GJC1: variants seen among roughly 807,000 people sequenced by gnomAD.
The protein encoded by GJC1 is gap junction protein gamma 1, also known as gap junction gamma-1 protein.
GJC1 carries 5 observed loss-of-function variants against 29.3 expected under a neutral mutation model. That is an observed-to-expected ratio of 0.17 (90% CI 0.09 to 0.36). The LOEUF (loss-of-function observed/expected upper bound fraction) is 0.36. Ranked by LOEUF, GJC1 falls within the 10% of genes least tolerant of loss-of-function variation. The pLI, the probability that GJC1 is intolerant of heterozygous loss-of-function variation, is 1.00. For missense variants in GJC1, 310 were observed against 496.2 expected, an observed-to-expected ratio of 0.62 and a Z score of 3.56; for synonymous variants, 177 against 183.3, an observed-to-expected ratio of 0.97 and a Z score of 0.28.
downstream of GJC1, chr17:44,797,503 G>A (rs139532583): frequency 0.02 from 2,986 of 152,256 alleles, 40 homozygotes; most frequent in Non-Finnish European, 0.027. Flanking sequence ...GTGAGCACCC[G>A]CTAACAGCTG....
At chr17:44,807,986 T>C (rs1465216782) in intron 1 of GJC1, 1 of 152,094 alleles carries the variant, frequency 6.6e-6, no homozygotes, top group East Asian at 1.9e-4. Context: ...CAGATACAAC[T>C]ACTCACAAAA....
chr17:44,801,366 G>A lies in GJC1; in HGVS notation c.*3261C>T, dbSNP rs1352769758. ...AACATAATCATGTTGATTGTATCCT[G>A]ATTCTAGCAGGTGAAGGACTAAGCA... is the stretch of plus-strand genomic sequence containing the variant. On this transcript the variant is annotated 3_prime_UTR_variant, in exon 3 of 3. Transcript: ENST00000592524. 4 of 152,180 alleles carry A rather than the reference G, an allele frequency of 2.6e-5. No individual in the cohort carries two copies. The allele number at this position is 152,180 out of a possible 1,614,324, so 9.4% of individuals were successfully genotyped here. A position where few individuals can be genotyped will look rare whatever the true frequency, so the allele number is the denominator to read the frequency against.
intron 1 of GJC1, among the ~76,000 whole-genome samples, chr17:44,826,183 A>C (rs1216478144): frequency 6.6e-6 from 1 of 152,106 alleles, no homozygotes; most frequent in African/African-American, 2.4e-5. Context: ...TGGCCTCCCA[A>C]AGTGCTGGGA....
At chr17:44,810,593 G>A (rs577389133) in intron 1 of GJC1, among the ~76,000 whole-genome samples, 1 of 152,176 alleles carries the variant, frequency 6.6e-6, no homozygotes, top group African/African-American at 2.4e-5. Context: ...TACGGTCTAT[G>A]CTCTTGACCA....
At chr17:44,821,094 T>C (rs772293536) in intron 1 of GJC1, among the ~76,000 whole-genome samples, 8 of 152,198 alleles carry the variant, frequency 5.3e-5, no homozygotes, top group African/African-American at 1.9e-4. Context: ...CCATTGTGGG[T>C]TGAAGTGCCA....
chr17:44,809,966 C>T (rs1467241567), intron 1 of GJC1, among the ~76,000 whole-genome samples: 2 of 151,920 alleles, frequency 1.3e-5, no homozygotes, highest in East Asian at 1.9e-4. Context: ...TCACACCATT[C>T]TCCTGCCTCA....
chr17:44,804,524 C>T lies in GJC1; in HGVS notation c.*103G>A, dbSNP rs1209629210. On this transcript the variant is annotated 3_prime_UTR_variant, in exon 3 of 3. Transcript: ENST00000592524. The stretch of plus-strand genomic sequence containing the variant: ...CTTGGATCATGAGCCAACAGCATCC[C>T]TGAAGATAACCAGAGCCAAATGTTT... 2 of 948,548 alleles carry T rather than the reference C, an allele frequency of 2.1e-6. No individual in the cohort carries two copies. Among genetic ancestry groups the T allele is most frequent in the Non-Finnish European group, 3.2e-6 (2 of 619,220 alleles). The allele number at this position is 948,548 out of a possible 1,614,324, so 58.8% of individuals were successfully genotyped here.
At position 44,805,892 on chromosome 17, in the gene GJC1, T is replaced by A; in HGVS notation, c.-20-55A>T. On this transcript the variant is annotated intron_variant, in intron 2 of 2. Coordinates refer to ENST00000592524, the MANE Select transcript of GJC1 (RefSeq NM_005497.4). The surrounding 1 kb of genome is among the most constrained non-coding windows in gnomAD (Gnocchi z 5.1). ...AATCAACAAATATTAAATCTTAATTTAATTACTAATTATGATATCTCTAGG... is the reference window on the plus strand; with the variant it reads ...AATCAACAAATATTAAATCTTAATTAAATTACTAATTATGATATCTCTAGG... 1 of 783,018 alleles carries A rather than the reference T, an allele frequency of 1.3e-6. No homozygotes were observed. The highest frequency in any genetic ancestry group is 2.0e-6 in the Non-Finnish European group (1 of 490,744). 48.5% of individuals were successfully genotyped at this position (783,018 alleles called of 1,614,324 possible).
In GJC1 at chr17:44,804,801, C is replaced by T; in HGVS notation, c.1017G>A (p.Gln339=). 6.2e-7 allele frequency: 1 copy of T among 1,614,218 alleles called. No individual in the cohort carries two copies. The highest frequency in any genetic ancestry group is 2.2e-5 in the East Asian group (1 of 44,888). The change falls in exon 3 of 3, where the codon CAG becomes CAA. Residue 339 remains glutamine, a synonymous_variant. Transcript: ENST00000592524. ...ENLPADLEAL[Q]REIRMAQERL... ...GTTCCTGAGCCATCCTGATCTCCCG[C>T]TGCAGAGCCTCCAGGTCAGCTGGGA... is the stretch of plus-strand genomic sequence containing the variant.
intron 1 of GJC1, among the ~76,000 whole-genome samples, chr17:44,828,704 T>A (rs891594159): frequency 6.6e-6 from 1 of 152,196 alleles, no homozygotes; most frequent in African/African-American, 2.4e-5. Context: ...AAGTTTTTTT[T>A]AAATCAGTAA....
chr17:44,817,558 A>G (rs1052300509), intron 1 of GJC1, among the ~76,000 whole-genome samples: 7 of 151,870 alleles, frequency 4.6e-5, no homozygotes, highest in South Asian at 2.1e-4. Flanking sequence ...TAAAAATACA[A>G]TATTAGCCAG....
chr17:44,814,206 T>C (rs1277261158), intron 1 of GJC1, among the ~76,000 whole-genome samples: 3 of 152,076 alleles, frequency 2.0e-5, no homozygotes, highest in African/African-American at 7.2e-5. Context: ...AGTGGCCTGA[T>C]CTTGGCTCAC....
chr17:44,822,192 G>A (rs1243725321), intron 1 of GJC1, among the ~76,000 whole-genome samples: 1 of 79,640 alleles, frequency 1.3e-5, no homozygotes, highest in Admixed American at 2.1e-4. Flanking sequence ...TCGAGACTCC[G>A]TCTCAAAAAA....
chr17:44,824,798 A>G (rs1361430037), intron 1 of GJC1, among the ~76,000 whole-genome samples: 2 of 148,474 alleles, frequency 1.3e-5, no homozygotes, highest in Admixed American at 6.7e-5. Flanking sequence ...ATGACAGAAC[A>G]AGACTGTCTT....
Position 44,805,339 on chromosome 17 carries a change from G to T in GJC1, c.479C>A (p.Pro160His), listed in dbSNP as rs775079785. ...AATCCGTCGTCGGCCATCATGCTTA[G>T]GTTTGGGTTGGCTCTGCTCTTTATT... Reference protein sequence around the residue: ...KENKEQSQPKPKHDGRRRIRE... With the variant: ...KENKEQSQPKHKHDGRRRIRE... Residue 160 changes from proline to histidine, a missense_variant, in exon 3 of 3, where the codon CCT becomes CAT. Pro to His is a moderately conservative substitution (Grantham distance 77). Coordinates refer to ENST00000592524, the MANE Select transcript of GJC1 (RefSeq NM_005497.4). This position sits in a 1 kb window ranked among gnomAD's most constrained non-coding sequence, Gnocchi z 5.1. The T allele has an allele frequency of 4.3e-6, 7 of 1,614,086 alleles. No individual in the cohort carries two copies. Among genetic ancestry groups the T allele is most frequent in the Non-Finnish European group, 5.9e-6 (7 of 1,180,038 alleles).
At chr17:44,794,210 G>GC (rs1168866779), downstream of GJC1, 1 of 152,248 alleles carries the variant, frequency 6.6e-6, no homozygotes, top group African/African-American at 2.4e-5. Flanking sequence ...CTAGGCCAAA[G>GC]CCCCCTCCCC....
At chr17:44,826,307 C>T (rs2050176198) in intron 1 of GJC1, among the ~76,000 whole-genome samples, 1 of 152,016 alleles carries the variant, frequency 6.6e-6, no homozygotes, top group Admixed American at 6.6e-5. Context: ...CCGAGGTGGC[C>T]GGATCATGAG....
At chr17:44,827,214 G>A (rs1734567979) in intron 1 of GJC1, among the ~76,000 whole-genome samples, 1 of 152,094 alleles carries the variant, frequency 6.6e-6, no homozygotes, top group African/African-American at 2.4e-5. Flanking sequence ...GGAGGCTGAG[G>A]CATGAGAATC....
rs1374702099 is a variant in GJC1, at chr17:44,805,251, C to G, written c.567G>C (p.Val189=). The change falls in exon 3 of 3, where the codon GTG becomes GTC. Residue 189 remains valine (V), a synonymous_variant. Coordinates refer to ENST00000592524, the MANE Select transcript of GJC1 (RefSeq NM_005497.4). This position sits in a 1 kb window ranked among gnomAD's most constrained non-coding sequence, Gnocchi z 5.1. ...GAAAATACTGCCCTATCAGAAAACC[C>G]ACCTCAAACACGGTCCTTGCCAGCA... ...LQLLARTVFE[V]GFLIGQYFLY... The G allele has an allele frequency of 1.2e-6, 2 of 1,614,160 alleles. No individual in the cohort carries two copies. The highest frequency in any genetic ancestry group is 2.2e-5 in the South Asian group (2 of 91,078).
Sources: gnomAD v4.1 joint callset for allele counts (sites outside exome capture counted in the v4.1 genomes callset) on GRCh38, gnomAD v4.1.1 for gene constraint, Gnocchi (gnomAD v3.1) non-coding constraint, MANE v1.5 for transcripts, NCBI Gene and HGNC (gene_info 2026-07-23, HGNC 2026-07-21) for gene names.